GABRB2: variants seen among roughly 807,000 people sequenced by gnomAD.
GABRB2 encodes gamma-aminobutyric acid receptor subunit beta-2.
A neutral mutation model predicts 54.7 loss-of-function variants in GABRB2; 16 were observed. The observed-to-expected ratio is 0.29, with a 90% CI of 0.20 to 0.44. GABRB2 has a LOEUF of 0.44. Among genes scored for constraint, GABRB2 ranks in the 20% least tolerant of loss-of-function variants. GABRB2 has a pLI of 1.00. For synonymous variants in GABRB2, 244 were observed against 233.8 expected, an observed-to-expected ratio of 1.04 and a Z score of -0.40; for missense variants, 355 against 644.0, an observed-to-expected ratio of 0.55 and a Z score of 4.86.
At chr5:161,323,759 G>C (rs1435014169) in intron 9 of GABRB2, among the ~76,000 whole-genome samples, 1 of 152,090 alleles carries the variant, frequency 6.6e-6, no homozygotes, top group Non-Finnish European at 1.5e-5. Context: ...CCTCATTTGT[G>C]GGAGTGCAAG....
intron 5 of GABRB2, among the ~76,000 whole-genome samples, chr5:161,403,425 A>G (rs969863061): frequency 4.6e-5 from 7 of 152,130 alleles, no homozygotes; most frequent in Admixed American, 1.3e-4. Context: ...TATGGAAACC[A>G]TCATGTAAAA....
chr5:161,323,181 C>T (rs1035249973), intron 9 of GABRB2, among the ~76,000 whole-genome samples: 3 of 152,004 alleles, frequency 2.0e-5, no homozygotes, highest in African/African-American at 7.2e-5. Context: ...GCCACCACAC[C>T]CAGCTAATTT....
At chr5:161,478,245 A>G (rs1240420249) in intron 3 of GABRB2, among the ~76,000 whole-genome samples, 2 of 152,030 alleles carry the variant, frequency 1.3e-5, no homozygotes, top group Non-Finnish European at 2.9e-5. Context: ...CGAAGGGAAG[A>G]CATGTAAGGG....
chr5:161,307,991 T>C (rs2113357784), intron 9 of GABRB2, among the ~76,000 whole-genome samples: 1 of 152,030 alleles, frequency 6.6e-6, no homozygotes, highest in South Asian at 2.1e-4. Flanking sequence ...CCTGAGTAGC[T>C]GGGACTACAG....
chr5:161,401,316 A>C (rs1202016259), intron 5 of GABRB2, among the ~76,000 whole-genome samples: 2 of 152,200 alleles, frequency 1.3e-5, no homozygotes, highest in Non-Finnish European at 2.9e-5. Flanking sequence ...AATAATTTGC[A>C]AATACAAAAA....
chr5:161,527,469 T>A (rs373046445), intron 3 of GABRB2, among the ~76,000 whole-genome samples: 1 of 151,434 alleles, frequency 6.6e-6, no homozygotes, highest in Non-Finnish European at 1.5e-5. Context: ...TCAAAAATCA[T>A]AAAGTAAGAA....
chr5:161,311,253 C>T lies in GABRB2; in HGVS notation c.1191+15115G>A, dbSNP rs145778277. The stretch of plus-strand genomic sequence containing the variant: ...AATATTTTTCCACAAAGTTGCAGAG[C>T]TTTTCAGAGACTTAGCTAGGCTGAG... On this transcript the variant is annotated intron_variant, in intron 9 of 9. Transcript: ENST00000393959. Among the ~76,000 whole-genome samples the T allele has an allele frequency of 6.6e-4, 100 of 152,296 alleles. No individual in the cohort carries two copies. In the East Asian group the frequency reaches 0.017, roughly 26 times the overall value.
intron 9 of GABRB2, among the ~76,000 whole-genome samples, chr5:161,316,417 G>C (rs1758030159): frequency 6.6e-6 from 1 of 152,142 alleles, no homozygotes; most frequent in South Asian, 2.1e-4. Context: ...TGACTCTCTG[G>C]TGATAGCATT....
intron 3 of GABRB2, among the ~76,000 whole-genome samples, chr5:161,479,528 A>G (rs180840073): frequency 1.3e-5 from 2 of 152,202 alleles, no homozygotes; most frequent in East Asian, 3.9e-4. Flanking sequence ...GAAAAATTAT[A>G]ATGAAGAAAA....
At chr5:161,346,221 C>T (rs1004188764) in intron 5 of GABRB2, among the ~76,000 whole-genome samples, 3 of 152,204 alleles carry the variant, frequency 2.0e-5, no homozygotes, top group African/African-American at 2.4e-5. Flanking sequence ...GAAAAACTTC[C>T]TTTGAATGGC....
intron 3 of GABRB2, among the ~76,000 whole-genome samples, chr5:161,500,386 G>A (rs1581037312): frequency 6.6e-6 from 1 of 152,080 alleles, no homozygotes; most frequent in Non-Finnish European, 1.5e-5. Context: ...ATAGAGTAAT[G>A]CAAAGAACAC....
intron 3 of GABRB2, among the ~76,000 whole-genome samples, chr5:161,510,761 G>A (rs1455029552): frequency 6.6e-6 from 1 of 151,920 alleles, no homozygotes; most frequent in South Asian, 2.1e-4. Flanking sequence ...ATCTATGAGT[G>A]TAAATGCCTA....
chr5:161,427,829 A>C (rs570157885), intron 4 of GABRB2, among the ~76,000 whole-genome samples: 1 of 152,220 alleles, frequency 6.6e-6, no homozygotes, highest in Non-Finnish European at 1.5e-5. Context: ...ATGCAACATT[A>C]TAAGTTGGTT....
intron 9 of GABRB2, among the ~76,000 whole-genome samples, chr5:161,307,337 C>T (rs1371348334): frequency 6.6e-6 from 1 of 152,162 alleles, no homozygotes; most frequent in Non-Finnish European, 1.5e-5. Flanking sequence ...AGAATGTGGT[C>T]ACTGCGAGGG....
At chr5:161,335,639 T>C (rs1387970606) in intron 6 of GABRB2, among the ~76,000 whole-genome samples, 1 of 152,162 alleles carries the variant, frequency 6.6e-6, no homozygotes. Flanking sequence ...GAGGATATTC[T>C]CATTGTTTGG....
At chr5:161,334,526 C>T (rs1299922843) in intron 7 of GABRB2, among the ~76,000 whole-genome samples, 1 of 152,136 alleles carries the variant, frequency 6.6e-6, no homozygotes, top group Non-Finnish European at 1.5e-5. Context: ...ATCTCATTAT[C>T]AACAGATATA....
chr5:161,527,100 C>T (rs1002542393), intron 3 of GABRB2, among the ~76,000 whole-genome samples: 4 of 151,312 alleles, frequency 2.6e-5, no homozygotes, highest in Admixed American at 2.0e-4. Context: ...TTACATTTAA[C>T]GTTAGAGTAA....
chr5:161,322,165 T>C (rs1396968581), intron 9 of GABRB2, among the ~76,000 whole-genome samples: 1 of 152,132 alleles, frequency 6.6e-6, no homozygotes, highest in Admixed American at 6.5e-5. Flanking sequence ...TATGGGGTAA[T>C]AATAAAAACT....
At chr5:161,519,483 T>C (rs893267365) in intron 3 of GABRB2, among the ~76,000 whole-genome samples, 1 of 152,152 alleles carries the variant, frequency 6.6e-6, no homozygotes, top group African/African-American at 2.4e-5. Flanking sequence ...GGTGGCCACA[T>C]GATCTTCCAA....
Sources: gnomAD v4.1 joint callset for allele counts (sites outside exome capture counted in the v4.1 genomes callset) on GRCh38, gnomAD v4.1.1 for gene constraint, MANE v1.5 for transcripts, NCBI Gene and HGNC (gene_info 2026-07-23, HGNC 2026-07-21) for gene names.